Variants in VPS13A observed in about 807,000 individuals in gnomAD.
VPS13A encodes vacuolar protein sorting 13 homolog A, also known as intermembrane lipid transfer protein VPS13A.
A neutral mutation model predicts 390.9 loss-of-function variants in VPS13A; 264 were observed. That is an observed-to-expected ratio of 0.68 (90% confidence interval 0.61 to 0.75). VPS13A has a LOEUF of 0.75. Among genes scored for constraint, VPS13A ranks in the 30% least tolerant of loss-of-function variants. VPS13A has a pLI of 0.00. For missense variants in VPS13A, 3,409 were observed against 3,733.9 expected, an observed-to-expected ratio of 0.91 and a Z score of 2.27; for synonymous variants, 1,231 against 1,227.1, an observed-to-expected ratio of 1.00 and a Z score of -0.07.
At chr9:77,383,928 T>C (rs1833563699) in intron 68 of VPS13A, among the ~76,000 whole-genome samples, 1 of 151,034 alleles carries the variant, frequency 6.6e-6, no homozygotes, top group African/African-American at 2.4e-5. Context: ...CTTACAGGTA[T>C]AAAAAGTGGA....
chr9:77,241,634 T>G lies in VPS13A; in HGVS notation c.1900+3248T>G, dbSNP rs116366492. Among the ~76,000 whole-genome samples, 873 of 152,292 alleles carry G rather than the reference T, an allele frequency of 5.7e-3. 12 individuals carry two copies. The highest frequency in any genetic ancestry group is 0.02 in the African/African-American group (842 of 41,562). On this transcript the variant is annotated intron_variant, in intron 19 of 71. Transcript: ENST00000360280. ...TTGGTAATTTTTAATTGTAATCTGC[T>G]CATTTTCCTTAGAATATTATTTGGG...
chr9:77,190,664 T>G lies in VPS13A; in HGVS notation c.101-9281T>G, dbSNP rs983117605. On this transcript the variant is annotated intron_variant, in intron 1 of 71. Transcript: ENST00000360280. The stretch of plus-strand genomic sequence containing the variant: ...GTTTCAATAGGATTGGTACCAGCTC[T>G]TCTTTATATGTCCGGTAGAATTTGG... 8.5e-5 allele frequency among the ~76,000 whole-genome samples: 13 copies of G among 152,330 alleles called. No individual in the cohort carries two copies. The South Asian group carries it at 2.5e-3, about 29-fold the overall frequency.
chr9:77,252,918 G>C (rs1379607463), intron 22 of VPS13A, among the ~76,000 whole-genome samples: 1 of 152,102 alleles, frequency 6.6e-6, no homozygotes, highest in Non-Finnish European at 1.5e-5. Context: ...TGTTAATGCT[G>C]TTTGGCTGTT....
rs571995597 is a variant in VPS13A at position 77,226,375 on chromosome 9, A to G, written c.1225-91A>G. The G allele has an allele frequency of 7.6e-5, 93 of 1,220,956 alleles. No homozygotes were observed. In the African/African-American group the frequency reaches 1.3e-3, roughly 17 times the overall value. 75.6% of individuals were successfully genotyped at this position (1,220,956 alleles called of 1,614,324 possible). A position where few individuals can be genotyped will look rare whatever the true frequency, so the allele number is the denominator to read the frequency against. On this transcript the variant is annotated intron_variant, in intron 14 of 71. Coordinates refer to ENST00000360280, the MANE Select transcript of VPS13A (RefSeq NM_033305.3). ...ATTGTTTACATTCATTTTGCTCAAG[A>G]GGATAAGTTCTCAGAATGTCTTGCT... is the stretch of plus-strand genomic sequence containing the variant.
intron 17 of VPS13A, among the ~76,000 whole-genome samples, chr9:77,229,600 A>G (rs936806086): frequency 3.3e-5 from 5 of 152,206 alleles, no homozygotes; most frequent in Non-Finnish European, 5.9e-5. Flanking sequence ...TGTAGCATGA[A>G]TTAGTACATT....
At chr9:77,297,496 T>C (rs928009811) in intron 33 of VPS13A, among the ~76,000 whole-genome samples, 1 of 152,030 alleles carries the variant, frequency 6.6e-6, no homozygotes, top group African/African-American at 2.4e-5. Context: ...CATTTTTTTT[T>C]CCAACTCTTT....
chr9:77,247,734 C>G (rs1340256975), intron 20 of VPS13A, among the ~76,000 whole-genome samples: 3 of 152,188 alleles, frequency 2.0e-5, no homozygotes, highest in African/African-American at 7.2e-5. Flanking sequence ...GACCTTGGCT[C>G]ACTGCAACCT....
chr9:77,206,125 G>A (rs753443354), intron 5 of VPS13A, 46 bp downstream of exon 5: 3 of 1,250,312 alleles, frequency 2.4e-6, no homozygotes, highest in Non-Finnish European at 2.3e-6. Flanking sequence ...AAGTAGAAAA[G>A]ACCTAAATAT....
chr9:77,242,405 T>C (rs1165837617), intron 19 of VPS13A, among the ~76,000 whole-genome samples: 1 of 152,084 alleles, frequency 6.6e-6, no homozygotes, highest in Admixed American at 6.6e-5. Flanking sequence ...CACAGAAAAG[T>C]GTGTGTTATA....
At chr9:77,230,492 T>TC (rs997490643) in intron 17 of VPS13A, among the ~76,000 whole-genome samples, 3 of 152,106 alleles carry the variant, frequency 2.0e-5, no homozygotes, top group African/African-American at 4.8e-5. Flanking sequence ...AACTATTTTT[T>TC]CCCATTGAAT....
intron 27 of VPS13A, among the ~76,000 whole-genome samples, chr9:77,281,264 A>G (rs1481144426): frequency 6.6e-6 from 1 of 152,104 alleles, no homozygotes; most frequent in East Asian, 1.9e-4. Flanking sequence ...TGTGTTGTTT[A>G]TTTTAAAACA....
At chr9:77,397,258 G>A (rs1181981575) in intron 68 of VPS13A, among the ~76,000 whole-genome samples, 2 of 152,036 alleles carry the variant, frequency 1.3e-5, no homozygotes, top group Non-Finnish European at 2.9e-5. Context: ...CAAAGTGCTG[G>A]GATTACAGGT....
intron 22 of VPS13A, among the ~76,000 whole-genome samples, chr9:77,257,357 C>T (rs1825506718): frequency 2.6e-5 from 4 of 152,252 alleles, no homozygotes; most frequent in Middle Eastern, 3.4e-3. Flanking sequence ...GCCTTGTCCT[C>T]CTGAGTAGCT....
At chr9:77,333,229 G>GT (rs1348870728) in intron 46 of VPS13A, among the ~76,000 whole-genome samples, 1 of 151,974 alleles carries the variant, frequency 6.6e-6, no homozygotes, top group Non-Finnish European at 1.5e-5. Context: ...TATATATTTT[G>GT]TATCTCTGTC....
At chr9:77,244,117 C>T (rs1329781378) in intron 19 of VPS13A, among the ~76,000 whole-genome samples, 4 of 152,038 alleles carry the variant, frequency 2.6e-5, no homozygotes, top group East Asian at 1.9e-4. Flanking sequence ...GTGTACCTAT[C>T]GTCCCAGCTA....
At chr9:77,193,943 G>A (rs1824836045) in intron 1 of VPS13A, among the ~76,000 whole-genome samples, 1 of 152,234 alleles carries the variant, frequency 6.6e-6, no homozygotes. Flanking sequence ...CTATAACCCT[G>A]GGGTGTTAGG....
At chr9:77,286,281 A>G (rs1827317621) in intron 31 of VPS13A, among the ~76,000 whole-genome samples, 1 of 152,216 alleles carries the variant, frequency 6.6e-6, no homozygotes, top group Admixed American at 6.5e-5. Flanking sequence ...CAGATGGGAC[A>G]TCGGGGAGGC....
In VPS13A at chr9:77,308,084, C is replaced by T; in HGVS notation, c.4100C>T (p.Ser1367Leu). 6.2e-7 allele frequency: 1 copy of T among 1,613,922 alleles called. No individual in the cohort carries two copies. The highest frequency in any genetic ancestry group is 1.1e-5 in the South Asian group (1 of 91,076). The part of the protein sequence containing the change: ...SATSGVTTNA[S>L]HHSGGATVVT... ...ACTAGTGGAGTTACTACTAATGCTT[C>T]ACACCATTCAGGAGGTATGTTTTTA... The change falls in exon 35 of 72, where the codon TCA (serine) becomes TTA (leucine). Residue 1367 changes from serine to leucine, a missense_variant. Physicochemically the swap from Ser to Leu is moderately radical, Grantham distance 145. This residue lies in a region of VPS13A where 2,717 missense variants were observed against 2,917.4 expected (regional missense o/e 0.93). Transcript: ENST00000360280.
At chr9:77,376,984 A>C (rs911106376) in intron 67 of VPS13A, among the ~76,000 whole-genome samples, 5 of 152,172 alleles carry the variant, frequency 3.3e-5, no homozygotes, top group African/African-American at 9.7e-5. Context: ...CAATTTCTAC[A>C]AAAAAGGTAG....
Sources: gnomAD v4.1 joint callset for allele counts (sites outside exome capture counted in the v4.1 genomes callset) on GRCh38, gnomAD v4.1.1 for gene constraint, gnomAD v4.1.1 regional missense constraint, MANE v1.5 for transcripts, NCBI Gene and HGNC (gene_info 2026-07-23, HGNC 2026-07-21) for gene names.